SCAND3: variants seen among roughly 807,000 people sequenced by gnomAD.
SCAND3 encodes SCAN domain-containing protein 3.
the SCAND3 span, among the ~76,000 whole-genome samples, chr6:28,615,774 C>T: frequency 6.6e-6 from 1 of 152,118 alleles, no homozygotes; most frequent in African/African-American, 2.4e-5. Context: ...AGATCTTCTC[C>T]ATGTCCTAGT....
At chr6:28,612,514 A>G in the SCAND3 span, among the ~76,000 whole-genome samples, 2 of 152,206 alleles carry the variant, frequency 1.3e-5, no homozygotes, top group African/African-American at 4.8e-5. Flanking sequence ...CAGCATAGTA[A>G]AAGACCATAA....
At chr6:28,592,026 C>G in the SCAND3 span, among the ~76,000 whole-genome samples, 1 of 152,072 alleles carries the variant, frequency 6.6e-6, no homozygotes, top group African/African-American at 2.4e-5. This position sits in a 1 kb window ranked among gnomAD's most constrained non-coding sequence, Gnocchi z 4.1. Flanking sequence ...TCCATAGATA[C>G]GGAAAAAGTA....
chr6:28,582,790 G>A, the SCAND3 span, among the ~76,000 whole-genome samples: 2 of 151,938 alleles, frequency 1.3e-5, no homozygotes. This position sits in a 1 kb window ranked among gnomAD's most constrained non-coding sequence, Gnocchi z 4.8. Context: ...GCGTGGTGGC[G>A]CTTGCCTGTA....
At chr6:28,598,888 A>AAG in the SCAND3 span, among the ~76,000 whole-genome samples, 1 of 149,190 alleles carries the variant, frequency 6.7e-6, no homozygotes, top group Non-Finnish European at 1.5e-5. Context: ...AAAAAAAAAA[A>AAG]AAAAAAGAAA....
At chr6:28,575,450 G>A in the SCAND3 span, 1 of 1,613,752 alleles carries the variant, frequency 6.2e-7, no homozygotes, top group Non-Finnish European at 8.5e-7. The surrounding 1 kb of genome is among the most constrained non-coding windows in gnomAD (Gnocchi z 4.2). Context: ...AAAAGAGCAT[G>A]TGCAACTTCC....
the SCAND3 span, chr6:28,573,396 G>T: frequency 1.2e-6 from 2 of 1,614,056 alleles, no homozygotes; most frequent in Non-Finnish European, 1.7e-6. Flanking sequence ...TTTTAGACTT[G>T]GCAACCGGAA....
the SCAND3 span, among the ~76,000 whole-genome samples, chr6:28,574,227 A>G: frequency 6.6e-6 from 1 of 152,120 alleles, no homozygotes. Flanking sequence ...TTTTATATTT[A>G]TTTCCTTATG....
At chr6:28,582,402 A>T in the SCAND3 span, among the ~76,000 whole-genome samples, 4 of 152,186 alleles carry the variant, frequency 2.6e-5, no homozygotes, top group Non-Finnish European at 5.9e-5. This position sits in a 1 kb window ranked among gnomAD's most constrained non-coding sequence, Gnocchi z 4.8. Context: ...AGGGGGAAAA[A>T]AACTACAGTA....
At chr6:28,605,447 C>T in the SCAND3 span, among the ~76,000 whole-genome samples, 3 of 151,946 alleles carry the variant, frequency 2.0e-5, no homozygotes, top group African/African-American at 4.8e-5. Flanking sequence ...TATATAAGCA[C>T]GCAAGATTAT....
chr6:28,577,889 T>A, the SCAND3 span, among the ~76,000 whole-genome samples: 1 of 152,198 alleles, frequency 6.6e-6, no homozygotes, highest in South Asian at 2.1e-4. Flanking sequence ...GAGATGTCCA[T>A]CCTACCTTTT....
the SCAND3 span, chr6:28,573,883 C>T: frequency 2.1e-6 from 3 of 1,440,576 alleles, no homozygotes; most frequent in Non-Finnish European, 2.7e-6. Context: ...CTTCAGCTAA[C>T]AGTGTTATAC....
chr6:28,586,369 G>T, the SCAND3 span: 8 of 1,614,000 alleles, frequency 5.0e-6, no homozygotes, highest in Non-Finnish European at 6.8e-6. The surrounding 1 kb of genome is among the most constrained non-coding windows in gnomAD (Gnocchi z 4.4). Flanking sequence ...CCACTCTCAG[G>T]ATTATGCTCC....
chr6:28,591,096 T>C, the SCAND3 span: 1 of 152,242 alleles, frequency 6.6e-6, no homozygotes, highest in East Asian at 1.9e-4. Flanking sequence ...TAAGTAATCA[T>C]TATGATCACA....
the SCAND3 span, chr6:28,572,526 C>G: frequency 6.2e-7 from 1 of 1,613,802 alleles, no homozygotes; most frequent in Non-Finnish European, 8.5e-7. This position sits in a 1 kb window ranked among gnomAD's most constrained non-coding sequence, Gnocchi z 4.1. Flanking sequence ...TTGCATTCTT[C>G]CCTTGCATAG....
chr6:28,582,961 T>C, the SCAND3 span, among the ~76,000 whole-genome samples: 1 of 151,968 alleles, frequency 6.6e-6, no homozygotes, highest in Non-Finnish European at 1.5e-5. The surrounding 1 kb of genome is among the most constrained non-coding windows in gnomAD (Gnocchi z 4.8). Flanking sequence ...AAAAACACTA[T>C]AAAAACTCTA....
At chr6:28,573,138 G>A in the SCAND3 span, 1 of 1,612,222 alleles carries the variant, frequency 6.2e-7, no homozygotes, top group Non-Finnish European at 8.5e-7. Context: ...ACCTCACATA[G>A]ACTAAAAGAA....
the SCAND3 span, among the ~76,000 whole-genome samples, chr6:28,580,320 G>T: frequency 6.6e-6 from 1 of 152,028 alleles, no homozygotes; most frequent in African/African-American, 2.4e-5. Flanking sequence ...CAGACGAGGT[G>T]GTGCACGCCT....
the SCAND3 span, chr6:28,571,249 G>C: frequency 6.6e-6 from 1 of 152,246 alleles, no homozygotes; most frequent in African/African-American, 2.4e-5. Flanking sequence ...AGGAGGTACA[G>C]GTTGCAGTGA....
the SCAND3 span, among the ~76,000 whole-genome samples, chr6:28,613,425 A>G: frequency 6.6e-6 from 1 of 152,236 alleles, no homozygotes; most frequent in African/African-American, 2.4e-5. Context: ...GATATTTCAT[A>G]TAACTTTTCC....
Sources: allele counts gnomAD v4.1 joint callset (sites outside exome capture counted in the v4.1 genomes callset), GRCh38; gene constraint gnomAD v4.1.1; non-coding constraint Gnocchi (gnomAD v3.1); transcripts MANE v1.5; gene names NCBI Gene and HGNC (gene_info 2026-07-23, HGNC 2026-07-21).